MCF2L: variants seen among roughly 807,000 people sequenced by gnomAD.
MCF2L encodes the protein MCF.2 cell line derived transforming sequence like.
MCF2L carries 97 observed loss-of-function variants against 153.4 expected under a neutral mutation model. The ratio of observed to expected loss-of-function variants is 0.63; its 90% CI spans 0.54 to 0.75. The LOEUF (loss-of-function observed/expected upper bound fraction) is 0.75. Among genes scored for constraint, MCF2L ranks in the 30% least tolerant of loss-of-function variants. MCF2L has a pLI of 0.00. For synonymous variants in MCF2L, 659 were observed against 632.2 expected (o/e 1.04, Z -0.64); for missense variants, 1,347 against 1,495.2 (o/e 0.90, Z 1.64).
At chr13:113,026,858 T>A in intron 3 of MCF2L, 1 of 722,562 alleles carries the variant, frequency 1.4e-6, no homozygotes, top group Non-Finnish European at 2.6e-6. Context: ...CCCAGTTCTG[T>A]GTCTCCCCAG....
intron 5 of MCF2L, chr13:113,063,826 C>T (rs762530831): frequency 2.4e-6 from 1 of 418,294 alleles, no homozygotes. Context: ...CTGCATCCTT[C>T]ACATCATCCA....
In MCF2L at chr13:112,987,006, G is replaced by T. The variant is rs551870326; in HGVS notation, c.79+17548G>T. ...GTTTCAGGTGGGACTCGGAGCCAGTGTCGGAGCTGGAGCACATGAGGTCGC... is the reference window on the plus strand; with the variant it reads ...GTTTCAGGTGGGACTCGGAGCCAGTTTCGGAGCTGGAGCACATGAGGTCGC... On this transcript the variant is annotated intron_variant, in intron 1 of 29. Transcript: ENST00000535094. Among the ~76,000 whole-genome samples the T allele has an allele frequency of 8.5e-5, 13 of 152,226 alleles. No homozygotes were observed. In the South Asian group the frequency reaches 2.7e-3, roughly 32 times the overall value.
intron 1 of MCF2L, among the ~76,000 whole-genome samples, chr13:112,972,450 A>G (rs138210993): frequency 2.2e-3 from 323 of 145,664 alleles, no homozygotes; most frequent in African/African-American, 7.9e-3. Flanking sequence ...GGATGAATGT[A>G]AGGGTGGATG....
At chr13:112,954,131 G>A (rs1566658431) in intron 2 of MCF2L, among the ~76,000 whole-genome samples, 1 of 152,324 alleles carries the variant, frequency 6.6e-6, no homozygotes, top group East Asian at 1.9e-4. Context: ...CTATGCACTT[G>A]TCTTGTCACC....
chr13:112,962,280 C>T (rs1469330744), intron 2 of MCF2L, among the ~76,000 whole-genome samples: 1 of 152,196 alleles, frequency 6.6e-6, no homozygotes, highest in Non-Finnish European at 1.5e-5. Context: ...GGCACAGATG[C>T]TCACACACGC....
chr13:113,000,692 G>C (rs1039761771), intron 1 of MCF2L, among the ~76,000 whole-genome samples: 29 of 152,240 alleles, frequency 1.9e-4, no homozygotes, highest in African/African-American at 6.0e-4. Flanking sequence ...TTTGGGGTCA[G>C]CCACCCCCAG....
chr13:113,074,457 T>G lies in MCF2L; in HGVS notation c.1010T>G (p.Leu337Trp). 1 of 1,613,860 alleles carries G rather than the reference T, an allele frequency of 6.2e-7. No homozygotes were observed. Residue 337 changes from leucine (L) to tryptophan (W), a missense_variant, in exon 10 of 30, where the codon TTG becomes TGG. Physicochemically the swap from Leu to Trp is moderately conservative, Grantham distance 61. Around this residue, in one of 3 missense-constraint regions of MCF2L, gnomAD observed 820 missense variants for 921.2 expected, o/e 0.89. Transcript: ENST00000535094. The surrounding 1 kb of genome is among the most constrained non-coding windows in gnomAD (Gnocchi z 4.2). Reference protein sequence around the residue: ...EQGFREVKAILDAASQKIATF... With the variant: ...EQGFREVKAIWDAASQKIATF... ...CCTCTGTTCCAGGTCAAAGCCATCT[T>G]GGACGCAGCGTCCCAGAAGATAGCA...
chr13:112,942,383 C>T (rs1226354678), intron 2 of MCF2L, among the ~76,000 whole-genome samples: 2 of 152,186 alleles, frequency 1.3e-5, no homozygotes, highest in East Asian at 3.9e-4. Context: ...CCTTACCTAT[C>T]ATTGGAGATG....
chr13:112,919,114 A>T (rs539402742), intron 2 of MCF2L, among the ~76,000 whole-genome samples: 3 of 152,242 alleles, frequency 2.0e-5, no homozygotes, highest in Non-Finnish European at 4.4e-5. Flanking sequence ...AAATTCATTT[A>T]CAAGATATAA....
chr13:112,957,871 G>T lies in MCF2L; in HGVS notation c.169+55500G>T, dbSNP rs1048136829. 13 of 150,054 alleles carry T rather than the reference G, an allele frequency of 8.7e-5. 1 individual carries two copies. Among genetic ancestry groups the T allele is most frequent in the Non-Finnish European group, 1.9e-4 (13 of 67,284 alleles). 9.3% of individuals were successfully genotyped at this position (150,054 alleles called of 1,614,324 possible). A position where few individuals can be genotyped will look rare whatever the true frequency, so the allele number is the denominator to read the frequency against. The stretch of plus-strand genomic sequence containing the variant: ...ATGCTTTGAGCAACTCAAAGAAAGT[G>T]AATTTAATTTTATCACTTAGTTTTT... On this transcript the variant is annotated intron_variant, in intron 2 of 29. Coordinates refer to the MCF2L transcript ENST00000375608.
At chr13:113,061,842 CCCT>C (rs2031549054) in intron 5 of MCF2L, among the ~76,000 whole-genome samples, 1 of 39,666 alleles carries the variant, frequency 2.5e-5, no homozygotes, top group Non-Finnish European at 5.3e-5. Context: ...CCCTCCCCCT[CCCT>C]CCTCCTCCCC....
intron 26 of MCF2L, chr13:113,090,211 A>G: frequency 2.7e-6 from 4 of 1,476,138 alleles, no homozygotes; most frequent in Non-Finnish European, 3.6e-6. Flanking sequence ...GGCGTCTGTC[A>G]TGCATCGTGT....
At chr13:112,989,072 C>T (rs375012434) in intron 1 of MCF2L, among the ~76,000 whole-genome samples, 3 of 101,950 alleles carry the variant, frequency 2.9e-5, no homozygotes, top group East Asian at 5.9e-4. Flanking sequence ...CTACCACGCC[C>T]GAGTCCTCCC....
At chr13:113,058,527 G>C (rs1389348366) in intron 4 of MCF2L, among the ~76,000 whole-genome samples, 2 of 150,218 alleles carry the variant, frequency 1.3e-5, no homozygotes, top group African/African-American at 4.9e-5. Context: ...TGGATGCTGA[G>C]TGTTTTGGCG....
chr13:112,994,156 C>A (rs11839247), intron 1 of MCF2L, among the ~76,000 whole-genome samples: 2,496 of 151,904 alleles, frequency 0.016, 71 homozygotes, highest in African/African-American at 0.058. Flanking sequence ...GGTGTGGATG[C>A]CAAGCTGACG....
intron 3 of MCF2L, chr13:113,033,910 G>C (rs936685729): frequency 6.0e-6 from 1 of 167,222 alleles, no homozygotes; most frequent in African/African-American, 2.4e-5. Flanking sequence ...GAGCACTGGG[G>C]ACAAGTCGCG....
intron 1 of MCF2L, among the ~76,000 whole-genome samples, chr13:112,992,808 C>T (rs140292586): frequency 3.3e-4 from 50 of 152,326 alleles, no homozygotes; most frequent in African/African-American, 1.1e-3. Context: ...TACAGAACAT[C>T]GGGAACACTG....
Position 112,943,931 on chromosome 13 carries a change from GC to G in MCF2L, c.169+41561del, listed in dbSNP as rs1472659258. 6.6e-6 allele frequency among the ~76,000 whole-genome samples: 1 copy of G among 151,780 alleles called. No individual in the cohort carries two copies. The highest frequency in any genetic ancestry group is 1.5e-5 in the Non-Finnish European group (1 of 67,964). ...GGGCCTCTCAGACCAGCATTGAGGA[GC>G]TGAGCCCTGCGGGCCAGGGGCGCAG... On this transcript the variant is annotated intron_variant, in intron 2 of 29. Coordinates refer to the MCF2L transcript ENST00000375608. The surrounding 1 kb of genome is among the most constrained non-coding windows in gnomAD (Gnocchi z 4.2).
intron 2 of MCF2L, among the ~76,000 whole-genome samples, chr13:113,019,357 C>T (rs1339060843): frequency 7.9e-5 from 12 of 152,320 alleles, no homozygotes; most frequent in Non-Finnish European, 1.5e-4. Context: ...CAAGGCCCGA[C>T]GGCTGCTCCA....
Sources: gnomAD v4.1 joint callset for allele counts (sites outside exome capture counted in the v4.1 genomes callset) on GRCh38, gnomAD v4.1.1 for gene constraint, gnomAD v4.1.1 regional missense constraint, Gnocchi (gnomAD v3.1) non-coding constraint, MANE v1.5 for transcripts, NCBI Gene and HGNC (gene_info 2026-07-23, HGNC 2026-07-21) for gene names.